Variants in CELF2 observed in about 807,000 individuals in gnomAD.
The protein encoded by CELF2 is CUGBP Elav-like family member 2.
Under a neutral mutation model 62.6 loss-of-function variants are expected in CELF2, and 8 were observed. The observed-to-expected ratio is 0.13, with a 90% CI of 0.07 to 0.23. CELF2 has a LOEUF of 0.23. Among genes scored for constraint, CELF2 ranks in the 10% least tolerant of loss-of-function variants. The pLI is 1.00. For synonymous variants in CELF2, 258 were observed against 250.0 expected (o/e 1.03, Z -0.30); for missense variants, 333 against 671.0 (o/e 0.50, Z 5.56).
At chr10:10,828,971 C>T (rs189779171) in intron 1 of CELF2, among the ~76,000 whole-genome samples, 131 of 152,084 alleles carry the variant, frequency 8.6e-4, no homozygotes, top group South Asian at 1.9e-3. Flanking sequence ...CACCAAAACA[C>T]AAAATGAAAA....
At chr10:10,771,865 T>C in the CELF2 span, among the ~76,000 whole-genome samples, 1 of 152,204 alleles carries the variant, frequency 6.6e-6, no homozygotes, top group Admixed American at 6.5e-5. Context: ...TGTCCCAGTA[T>C]CCTTTCCAGC....
chr10:11,251,960 C>G (rs945348825), intron 4 of CELF2, among the ~76,000 whole-genome samples: 1 of 152,210 alleles, frequency 6.6e-6, no homozygotes, highest in Non-Finnish European at 1.5e-5. Context: ...TCAAAACCCC[C>G]AAGTCTTCTA....
chr10:10,726,848 A>G, the CELF2 span, among the ~76,000 whole-genome samples: 1 of 152,222 alleles, frequency 6.6e-6, no homozygotes, highest in Non-Finnish European at 1.5e-5. Flanking sequence ...AGACTGGTTC[A>G]TTTATAGAGA....
At chr10:11,198,645 G>A (rs1370064348) in intron 2 of CELF2, among the ~76,000 whole-genome samples, 2 of 152,210 alleles carry the variant, frequency 1.3e-5, no homozygotes, top group Non-Finnish European at 2.9e-5. Flanking sequence ...ATCTAGACCA[G>A]TGTCCCTTTC....
intron 8 of CELF2, among the ~76,000 whole-genome samples, chr10:11,284,842 T>C (rs2090636979): frequency 6.9e-6 from 1 of 145,022 alleles, no homozygotes; most frequent in African/African-American, 2.6e-5. Flanking sequence ...AATGGATGGA[T>C]GGGTGGATGA....
rs1346170030 is a variant in CELF2, at chr10:10,995,912, A to G, written c.89+75913A>G. Among the ~76,000 whole-genome samples the G allele has an allele frequency of 6.6e-6, 1 of 152,228 alleles. No homozygotes were observed. The highest frequency in any genetic ancestry group is 2.4e-5 in the African/African-American group (1 of 41,466). On this transcript the variant is annotated intron_variant, in intron 2 of 13. Transcript: ENST00000636488. The surrounding 1 kb of genome is among the most constrained non-coding windows in gnomAD (Gnocchi z 4.7). ...TCATCAAATTATGCATTGGTTCTGG[A>G]ATTAAAAATGAACATAAGACTCTTT...
the CELF2 span, among the ~76,000 whole-genome samples, chr10:10,688,228 C>T: frequency 6.6e-6 from 1 of 152,192 alleles, no homozygotes; most frequent in Non-Finnish European, 1.5e-5. Context: ...CCTGTAACTG[C>T]AGCTTGAAAC....
intron 3 of CELF2, among the ~76,000 whole-genome samples, chr10:11,221,043 C>T (rs374796721): frequency 6.6e-6 from 1 of 152,214 alleles, no homozygotes; most frequent in African/African-American, 2.4e-5. Context: ...ACCACACACA[C>T]ACATCCTTGA....
intron 1 of CELF2, among the ~76,000 whole-genome samples, chr10:11,146,698 A>G (rs2062351508): frequency 6.6e-6 from 1 of 152,344 alleles, no homozygotes; most frequent in South Asian, 2.1e-4. Context: ...AATCTTTCTC[A>G]TAATCTAAGA....
At chr10:11,301,282 AAG>A (rs1193700298) in intron 9 of CELF2, among the ~76,000 whole-genome samples, 1 of 151,532 alleles carries the variant, frequency 6.6e-6, no homozygotes, top group Admixed American at 6.6e-5. Flanking sequence ...ACCCCAAATC[AAG>A]AGTCTTGTTC....
chr10:11,134,875 T>C (rs1219594261), intron 1 of CELF2, among the ~76,000 whole-genome samples: 2 of 152,186 alleles, frequency 1.3e-5, no homozygotes, highest in African/African-American at 4.8e-5. Flanking sequence ...TGTCTATCTT[T>C]CTGATTGAAA....
At chr10:10,857,669 A>G (rs1308272737) in intron 1 of CELF2, among the ~76,000 whole-genome samples, 2 of 140,788 alleles carry the variant, frequency 1.4e-5, no homozygotes, top group Non-Finnish European at 3.1e-5. Flanking sequence ...ATATATATAT[A>G]TATATATATA....
At position 10,819,937 on chromosome 10, in the gene CELF2, C is replaced by T. The variant is rs191591912; in HGVS notation, c.53+21120C>T. Among the ~76,000 whole-genome samples the T allele has an allele frequency of 1.6e-3, 245 of 152,166 alleles. 1 individual carries two copies. Among genetic ancestry groups the T allele is most frequent in the African/African-American group, 5.2e-3 (216 of 41,524 alleles). On this transcript the variant is annotated intron_variant, in intron 1 of 13. Transcript: ENST00000636488. Reference sequence around the variant, plus strand: ...ACCTGATACTGTTTGGCTTTGTCCCCACCAAATCTCAATTTGAATTTATCT... The same window carrying T: ...ACCTGATACTGTTTGGCTTTGTCCCTACCAAATCTCAATTTGAATTTATCT...
rs143609342 is a variant in CELF2, at chr10:11,086,691, A to G, written c.74+68528A>G. 1.0e-3 allele frequency among the ~76,000 whole-genome samples: 158 copies of G among 150,484 alleles called. 2 individuals carry two copies. In the East Asian group the frequency reaches 0.018, roughly 17 times the overall value. ...TCTCGAGGCATTCAGCAAGTGCCACAGGGCTCATTAATCTTGATTATTTCC... is the reference window on the plus strand; with the variant it reads ...TCTCGAGGCATTCAGCAAGTGCCACGGGGCTCATTAATCTTGATTATTTCC... On this transcript the variant is annotated intron_variant, in intron 1 of 12. Coordinates refer to ENST00000633077, the MANE Select transcript of CELF2 (RefSeq NM_001326342.2).
intron 1 of CELF2, among the ~76,000 whole-genome samples, chr10:10,894,681 A>T (rs1411285285): frequency 1.9e-5 from 2 of 106,382 alleles, no homozygotes. Context: ...GCCACCTGAA[A>T]GAAAAAAAAA....
chr10:10,848,362 C>T (rs2059148160), intron 1 of CELF2, among the ~76,000 whole-genome samples: 1 of 152,156 alleles, frequency 6.6e-6, no homozygotes, highest in Non-Finnish European at 1.5e-5. Context: ...GCAACAGCGC[C>T]TTGAATATCG....
the CELF2 span, among the ~76,000 whole-genome samples, chr10:10,597,121 C>T: frequency 1.3e-5 from 2 of 152,174 alleles, no homozygotes; most frequent in South Asian, 4.1e-4. Context: ...ATCCTCCCAA[C>T]CTCAAGCCAA....
chr10:11,270,744 G>A lies in CELF2; in HGVS notation c.697G>A (p.Ala233Thr), dbSNP rs748293214. The change falls in exon 7 of 13, where the codon GCT (alanine) becomes ACT (threonine). Residue 233 changes from alanine to threonine, a missense_variant. Around this residue, in one of 3 missense-constraint regions of CELF2, gnomAD observed 253 missense variants for 503.0 expected, o/e 0.50. Coordinates refer to ENST00000633077, the MANE Select transcript of CELF2 (RefSeq NM_001326342.2). This position sits in a 1 kb window ranked among gnomAD's most constrained non-coding sequence, Gnocchi z 5.8. The stretch of plus-strand genomic sequence containing the variant: ...GCAAAGGCGCCTCCAGCAGCAGCTC[G>A]CTCAGCAGATGCAGCAGCTCAACAC... ...KEQRRLQQQL[A>T]QQMQQLNTAT... is the part of the protein sequence containing the mutation. 1.3e-5 allele frequency: 20 copies of A among 1,563,478 alleles called. No individual in the cohort carries two copies. The highest frequency in any genetic ancestry group is 1.4e-5 in the African/African-American group (1 of 72,660).
At chr10:11,293,522 T>A (rs2092786278) in intron 9 of CELF2, among the ~76,000 whole-genome samples, 1 of 152,214 alleles carries the variant, frequency 6.6e-6, no homozygotes, top group East Asian at 1.9e-4. Context: ...TGAGGAGCTG[T>A]CGGGCTGCTT....
Sources: gnomAD v4.1 joint callset for allele counts (sites outside exome capture counted in the v4.1 genomes callset) on GRCh38, gnomAD v4.1.1 for gene constraint, gnomAD v4.1.1 regional missense constraint, Gnocchi (gnomAD v3.1) non-coding constraint, MANE v1.5 for transcripts, NCBI Gene and HGNC (gene_info 2026-07-23, HGNC 2026-07-21) for gene names.